The following CREBRF variants were observed in gnomAD, a reference collection of about 807,000 sequenced individuals.
CREBRF encodes the protein CREB3 regulatory factor.
Under a neutral mutation model 66.1 loss-of-function variants are expected in CREBRF, and 5 were observed. The observed-to-expected ratio is 0.08, with a 90% confidence interval of 0.04 to 0.16. CREBRF has a LOEUF of 0.16. Ranked by LOEUF, CREBRF falls within the 10% of genes least tolerant of loss-of-function variation. The pLI is 1.00. For missense variants in CREBRF, 531 were observed against 744.9 expected (o/e 0.71, Z 3.34); for synonymous variants, 229 against 264.4 (o/e 0.87, Z 1.30).
intron 4 of CREBRF, among the ~76,000 whole-genome samples, chr5:173,094,208 C>T (rs768085399): frequency 6.6e-6 from 1 of 152,030 alleles, no homozygotes; most frequent in Non-Finnish European, 1.5e-5. Context: ...TTGTTGATTC[C>T]TTATCTTGGA....
chr5:173,085,683 C>T (rs671387), intron 2 of CREBRF: 348,134 of 690,692 alleles, frequency 0.5, 93,082 homozygotes, highest in Non-Finnish European at 0.58. Context: ...TCCCAAAGTG[C>T]TGGGATTACA....
intron 1 of CREBRF, among the ~76,000 whole-genome samples, chr5:173,056,755 G>C (rs1437578404): frequency 6.6e-6 from 1 of 152,094 alleles, no homozygotes; most frequent in Admixed American, 6.5e-5. Flanking sequence ...TCGCGGGCGG[G>C]CAGTAGGCTA....
chr5:173,073,733 C>T (rs1358242958), intron 1 of CREBRF, among the ~76,000 whole-genome samples: 8 of 152,016 alleles, frequency 5.3e-5, no homozygotes, highest in African/African-American at 1.9e-4. Context: ...TTTGGGAGGC[C>T]GAGGCGGGCG....
chr5:173,075,140 A>T (rs891327728), intron 1 of CREBRF, among the ~76,000 whole-genome samples: 1 of 152,184 alleles, frequency 6.6e-6, no homozygotes, highest in Non-Finnish European at 1.5e-5. Context: ...TCCTTCCTTA[A>T]AGACTAGCAG....
rs1398103377 is a variant in CREBRF, at chr5:173,086,403, A to G, written c.10-98A>G. ...AAGTATAGAAATGTTTTCTGAAAAG[A>G]ATAAGTTACTTAGTGGGGGTGGGGT... On this transcript the variant is annotated intron_variant, in intron 2 of 8. Transcript: ENST00000296953. 1.0e-5 allele frequency: 11 copies of G among 1,085,094 alleles called. No individual in the cohort carries two copies. The Admixed American group carries it at 2.1e-4, about 21-fold the overall frequency. The allele number at this position is 1,085,094 out of a possible 1,614,324, so 67.2% of individuals were successfully genotyped here.
chr5:173,057,509 G>A (rs1757109148), intron 1 of CREBRF: 1 of 152,326 alleles, frequency 6.6e-6, no homozygotes, highest in Non-Finnish European at 1.5e-5. Flanking sequence ...AGCCTCCCCT[G>A]GGGGTGGTTC....
intron 5 of CREBRF, 29 bp downstream of exon 5, chr5:173,108,847 G>C (rs770949667): frequency 1.9e-6 from 3 of 1,589,114 alleles, no homozygotes; most frequent in Non-Finnish European, 2.6e-6. Context: ...CAGATATTTA[G>C]TGTCACTTTA....
At chr5:173,098,852 G>C (rs935847495) in intron 4 of CREBRF, among the ~76,000 whole-genome samples, 1 of 148,586 alleles carries the variant, frequency 6.7e-6, no homozygotes, top group Non-Finnish European at 1.5e-5. Flanking sequence ...GACCTTCTTT[G>C]TCTTGTGATA....
chr5:173,080,842 C>T, intron 2 of CREBRF, 58 bp downstream of exon 2: 1 of 1,504,096 alleles, frequency 6.6e-7, no homozygotes. Context: ...AAAGTCAATA[C>T]CTTTGACTCT....
At chr5:173,116,990 C>G (rs1289617885) in intron 7 of CREBRF, among the ~76,000 whole-genome samples, 1 of 152,134 alleles carries the variant, frequency 6.6e-6, no homozygotes, top group Non-Finnish European at 1.5e-5. Flanking sequence ...CATTGAGCCT[C>G]TTTCCTGTGC....
rs965505809 is a variant in CREBRF at position 173,125,068 on chromosome 5, A to G, written c.1804+1866A>G. Among the ~76,000 whole-genome samples the G allele has an allele frequency of 2.0e-5, 3 of 151,394 alleles. No individual in the cohort carries two copies. In the South Asian group the frequency reaches 6.3e-4, roughly 32 times the overall value. ...TGAGTAGCTGGGATTACAGGCACCCACCACCACACCTGGCTAATTTTTGTA... is the reference window on the plus strand; with the variant it reads ...TGAGTAGCTGGGATTACAGGCACCCGCCACCACACCTGGCTAATTTTTGTA... On this transcript the variant is annotated intron_variant, in intron 8 of 8. Transcript: ENST00000296953.
At chr5:173,117,157 T>C (rs1759009608) in intron 7 of CREBRF, among the ~76,000 whole-genome samples, 1 of 152,098 alleles carries the variant, frequency 6.6e-6, no homozygotes, top group African/African-American at 2.4e-5. Flanking sequence ...TATGGGTCAA[T>C]CACCCGAGGT....
In CREBRF at chr5:173,070,268, T is replaced by A. The variant is rs181377134; in HGVS notation, c.-191-10317T>A. On this transcript the variant is annotated intron_variant, in intron 1 of 8. Transcript: ENST00000296953. ...CAAAGTTGTTACAGTGTGTGAAGAA[T>A]GTGTGGTGTCACTGGAATCCTGCTG... Among the ~76,000 whole-genome samples, 7 of 152,190 alleles carry A rather than the reference T, an allele frequency of 4.6e-5. No individual in the cohort carries two copies. The East Asian group carries it at 1.4e-3, about 29-fold the overall frequency.
intron 8 of CREBRF, among the ~76,000 whole-genome samples, chr5:173,129,820 T>G (rs1042275428): frequency 2.6e-5 from 4 of 152,130 alleles, no homozygotes; most frequent in African/African-American, 4.8e-5. Flanking sequence ...TCTTAGATTT[T>G]TTTGTTTGTT....
chr5:173,127,540 A>G (rs990933679), intron 8 of CREBRF, among the ~76,000 whole-genome samples: 18 of 150,568 alleles, frequency 1.2e-4, no homozygotes, highest in Non-Finnish European at 2.2e-4. Flanking sequence ...GCTTACTGCA[A>G]CCTCTGCCTC....
chr5:173,091,371 G>A lies in CREBRF; in HGVS notation c.1192G>A (p.Asp398Asn), dbSNP rs1581681692. 1 of 1,613,906 alleles carries A rather than the reference G, an allele frequency of 6.2e-7. No individual in the cohort carries two copies. The highest frequency in any genetic ancestry group is 1.3e-5 in the African/African-American group (1 of 75,022). ...AGAGGATTATGAAGATGACAAGGAT[G>A]ATGATATTAGTGATACTTTCTCTGA... ...EEEDYEDDKD[D>N]DISDTFSEPG... Residue 398 changes from aspartate to asparagine, a missense_variant, in exon 4 of 9, where the codon GAT becomes AAT. By Grantham distance (23) the Asp-to-Asn change is conservative (BLOSUM62 1). Around this residue, in one of 5 missense-constraint regions of CREBRF, gnomAD observed 309 missense variants for 341.4 expected, o/e 0.90. Coordinates refer to ENST00000296953, the MANE Select transcript of CREBRF (RefSeq NM_153607.3).
intron 4 of CREBRF, among the ~76,000 whole-genome samples, chr5:173,096,325 A>C (rs1293102299): frequency 6.6e-6 from 1 of 152,074 alleles, no homozygotes; most frequent in Non-Finnish European, 1.5e-5. Context: ...ACTAACAGAG[A>C]CAATTTCTTT....
At chr5:173,124,311 A>C (rs1169984328) in intron 8 of CREBRF, 2 of 151,772 alleles carry the variant, frequency 1.3e-5, no homozygotes, top group Non-Finnish European at 2.9e-5. Context: ...TAATCCCAAC[A>C]CTTTGGGAGG....
intron 7 of CREBRF, among the ~76,000 whole-genome samples, chr5:173,120,091 C>T (rs989924893): frequency 3.3e-5 from 5 of 152,018 alleles, no homozygotes; most frequent in African/African-American, 7.2e-5. Context: ...TGTCTACATT[C>T]AAGAGGAATA....
Sources: gnomAD v4.1 joint callset for allele counts (sites outside exome capture counted in the v4.1 genomes callset) on GRCh38, gnomAD v4.1.1 for gene constraint, gnomAD v4.1.1 regional missense constraint, MANE v1.5 for transcripts, NCBI Gene and HGNC (gene_info 2026-07-23, HGNC 2026-07-21) for gene names.